PRORP: variants seen among roughly 807,000 people sequenced by gnomAD.
PRORP encodes the protein protein only RNase P catalytic subunit.
A neutral mutation model predicts 59.4 loss-of-function variants in PRORP; 51 were observed. The observed-to-expected ratio is 0.86, with a 90% CI of 0.69 to 1.08. The LOEUF (loss-of-function observed/expected upper bound fraction) is 1.08. PRORP is among the 50% of genes least tolerant of loss of function. The pLI is 0.00. For missense variants in PRORP, 646 were observed against 690.3 expected (o/e 0.94, Z 0.72); for synonymous variants, 231 against 245.6 (o/e 0.94, Z 0.55).
At chr14:35,239,943 C>T (rs546287435) in intron 5 of PRORP, among the ~76,000 whole-genome samples, 40 of 152,134 alleles carry the variant, frequency 2.6e-4, no homozygotes, top group African/African-American at 7.0e-4. Context: ...GGCGTGGTGG[C>T]GTGCGCCTGT....
intron 5 of PRORP, among the ~76,000 whole-genome samples, chr14:35,193,454 A>G (rs2139095092): frequency 6.6e-6 from 1 of 152,324 alleles, no homozygotes; most frequent in African/African-American, 2.4e-5. Flanking sequence ...AGTATTGGTC[A>G]TTAAAGGTCA....
Position 35,123,187 on chromosome 14 carries a change from C to A in PRORP, c.-59C>A. The A allele has an allele frequency of 6.5e-7, 1 of 1,528,786 alleles. No homozygotes were observed. Among genetic ancestry groups the A allele is most frequent in the African/African-American group, 1.4e-5 (1 of 72,260 alleles). The allele number at this position is 1,528,786 out of a possible 1,614,324, so 94.7% of individuals were successfully genotyped here. Reference sequence around the variant, plus strand: ...CGACCCCCAATCTCTTTAATTTTGCCATAGAAGAGGGGTTTTTTCAACATC... The same window carrying A: ...CGACCCCCAATCTCTTTAATTTTGCAATAGAAGAGGGGTTTTTTCAACATC... On this transcript the variant is annotated 5_prime_UTR_variant, in exon 2 of 8. Coordinates refer to ENST00000534898, the MANE Select transcript of PRORP (RefSeq NM_014672.4).
chr14:35,238,660 A>C (rs2050282144), intron 5 of PRORP, among the ~76,000 whole-genome samples: 1 of 152,192 alleles, frequency 6.6e-6, no homozygotes, highest in Non-Finnish European at 1.5e-5. Context: ...TAACCTTTTT[A>C]AGATTAAGAT....
At position 35,126,724 on chromosome 14, in the gene PRORP, T is replaced by A; in HGVS notation, c.987-11T>A. The A allele has an allele frequency of 6.2e-7, 1 of 1,603,914 alleles. No individual in the cohort carries two copies. The highest frequency in any genetic ancestry group is 2.2e-5 in the East Asian group (1 of 44,716). ...ACCTTCTCATGATTTGGTTTTGCAA[T>A]CTTTTCATAGTGTTCCTGGAAAACA... On this transcript the variant is annotated splice_polypyrimidine_tract_variant and intron_variant, in intron 2 of 7. Coordinates refer to ENST00000534898, the MANE Select transcript of PRORP (RefSeq NM_014672.4).
intron 6 of PRORP, among the ~76,000 whole-genome samples, chr14:35,267,917 C>T (rs1253118940): frequency 6.6e-6 from 1 of 152,112 alleles, no homozygotes; most frequent in African/African-American, 2.4e-5. Flanking sequence ...AGGCAGAAAC[C>T]GCAATGCAGA....
At position 35,270,518 on chromosome 14, in the gene PRORP, A is replaced by G. The variant is rs1263586905; in HGVS notation, c.1542A>G (p.Gln514=). The change falls in exon 7 of 8, where the codon CAA becomes CAG. Residue 514 remains glutamine, a synonymous_variant. Coordinates refer to ENST00000534898, the MANE Select transcript of PRORP (RefSeq NM_014672.4). ...HKACLPDAKT[Q]RLFFKWQQGH... is the part of the protein sequence containing the mutation. ...CCTGTCTGCCTGATGCCAAGACCCA[A>G]CGCCTGTTTTTTAAGTGGCAGCAGG... 6.2e-7 allele frequency: 1 copy of G among 1,614,010 alleles called. No individual in the cohort carries two copies. Among genetic ancestry groups the G allele is most frequent in the Non-Finnish European group, 8.5e-7 (1 of 1,180,032 alleles).
intron 5 of PRORP, among the ~76,000 whole-genome samples, chr14:35,205,530 C>T (rs2049270088): frequency 6.6e-6 from 1 of 152,134 alleles, no homozygotes; most frequent in Admixed American, 6.6e-5. Context: ...CTATGTTACC[C>T]AGGCTGGTCT....
chr14:35,206,383 G>GT (rs1364981241), intron 5 of PRORP, among the ~76,000 whole-genome samples: 1 of 152,166 alleles, frequency 6.6e-6, no homozygotes, highest in Admixed American at 6.5e-5. Flanking sequence ...CCAGGCTTTA[G>GT]AGTTTGGAGG....
At chr14:35,252,101 G>A (rs187248086) in intron 5 of PRORP, among the ~76,000 whole-genome samples, 16 of 152,258 alleles carry the variant, frequency 1.1e-4, no homozygotes, top group Admixed American at 7.2e-4. Context: ...ACCAGAAAGT[G>A]CATTTTGGCC....
intron 5 of PRORP, among the ~76,000 whole-genome samples, chr14:35,243,040 G>T (rs1457078675): frequency 6.6e-6 from 1 of 152,120 alleles, no homozygotes; most frequent in East Asian, 1.9e-4. Context: ...TGAAGTAATG[G>T]TCACTCCAGG....
chr14:35,204,436 TA>T (rs2049239072), intron 5 of PRORP, among the ~76,000 whole-genome samples: 1 of 152,216 alleles, frequency 6.6e-6, no homozygotes. Context: ...CATTTTAAGA[TA>T]TTGCTATGCT....
intron 4 of PRORP, among the ~76,000 whole-genome samples, chr14:35,169,377 T>C (rs1365365095): frequency 5.9e-5 from 9 of 152,120 alleles, no homozygotes; most frequent in Admixed American, 5.9e-4. Context: ...TTTTGAAATG[T>C]ATTGAAACTT....
chr14:35,133,004 C>T (rs1047712668), intron 4 of PRORP, among the ~76,000 whole-genome samples: 6 of 152,194 alleles, frequency 3.9e-5, no homozygotes, highest in African/African-American at 1.4e-4. Context: ...TCACTGCAAC[C>T]TCTGCCTCCC....
chr14:35,148,153 T>A (rs1015618409), intron 4 of PRORP, among the ~76,000 whole-genome samples: 40 of 152,262 alleles, frequency 2.6e-4, no homozygotes, highest in African/African-American at 9.6e-4. Flanking sequence ...TAGTGGCATG[T>A]AGATCGGTGA....
At position 35,234,845 on chromosome 14, in the gene PRORP, A is replaced by AT. The variant is rs960773645; in HGVS notation, c.1276-31872dup. Among the ~76,000 whole-genome samples the AT allele has an allele frequency of 3.2e-4, 47 of 148,792 alleles. 1 individual carries two copies. The East Asian group carries it at 7.3e-3, about 23-fold the overall frequency. On this transcript the variant is annotated intron_variant, in intron 5 of 7. Transcript: ENST00000534898. ...AAGCACACACCACCATGCCCAACTAATTTTTTTTTTAATGTTTTTGTAGAG... is the reference window on the plus strand; with the variant it reads ...AAGCACACACCACCATGCCCAACTAATTTTTTTTTTTAATGTTTTTGTAGAG...
chr14:35,201,886 G>A (rs960271552), intron 5 of PRORP, among the ~76,000 whole-genome samples: 1 of 151,808 alleles, frequency 6.6e-6, no homozygotes, highest in African/African-American at 2.4e-5. Flanking sequence ...TCAAACTCCT[G>A]ACCTCAGATG....
At chr14:35,155,528 C>G (rs2047891083) in intron 4 of PRORP, among the ~76,000 whole-genome samples, 1 of 143,706 alleles carries the variant, frequency 7.0e-6, no homozygotes, top group Non-Finnish European at 1.5e-5. Flanking sequence ...TTAAGACAAG[C>G]CTGGGCAACA....
chr14:35,182,372 C>T (rs958175222), intron 5 of PRORP, among the ~76,000 whole-genome samples: 9 of 149,782 alleles, frequency 6.0e-5, no homozygotes, highest in Admixed American at 1.3e-4. Context: ...CGACTGGGCA[C>T]GGTGGCTCAC....
intron 5 of PRORP, among the ~76,000 whole-genome samples, chr14:35,244,515 A>G (rs2050437970): frequency 6.6e-6 from 1 of 151,992 alleles, no homozygotes; most frequent in African/African-American, 2.4e-5. Flanking sequence ...AAAGGCACAA[A>G]GTACATTACT....
Sources: allele counts gnomAD v4.1 joint callset (sites outside exome capture counted in the v4.1 genomes callset), GRCh38; gene constraint gnomAD v4.1.1; transcripts MANE v1.5; gene names NCBI Gene and HGNC (gene_info 2026-07-23, HGNC 2026-07-21).